The following PLEKHB2 variants were observed in gnomAD, a reference collection of about 807,000 sequenced individuals.
The protein encoded by PLEKHB2 is pleckstrin homology domain-containing family B member 2.
PLEKHB2 carries 31 observed loss-of-function variants against 36.5 expected under a neutral mutation model. That is an observed-to-expected ratio of 0.85 (90% confidence interval 0.64 to 1.15). The LOEUF is 1.15. Among genes scored for constraint, PLEKHB2 ranks in the 50% most tolerant of loss-of-function variants. The pLI is 0.00. For missense variants in PLEKHB2, 262 were observed against 295.3 expected (o/e 0.89, Z 0.83); for synonymous variants, 119 against 112.0 (o/e 1.06, Z -0.39).
chr2:131,133,093 CCTTTT>C lies in PLEKHB2; in HGVS notation c.423+106_423+110del, dbSNP rs770996475. 3.4e-5 allele frequency: 25 copies of C among 736,376 alleles called. 1 individual carries two copies. The highest frequency in any genetic ancestry group is 5.2e-5 in the Non-Finnish European group (22 of 421,940). The allele number at this position is 736,376 out of a possible 1,614,324, so 45.6% of individuals were successfully genotyped here. ...AATGAAATTAGAAATGTACTCTAAA[CCTTTT>C]CTTCTTAAAACAGATGATTTCTTAT... On this transcript the variant is annotated intron_variant, in intron 6 of 7. Coordinates refer to ENST00000693505, the MANE Select transcript of PLEKHB2 (RefSeq NM_001100623.2).
At chr2:131,129,665 C>T (rs557613192) in intron 4 of PLEKHB2, among the ~76,000 whole-genome samples, 48 of 64,462 alleles carry the variant, frequency 7.4e-4, no homozygotes, top group African/African-American at 1.4e-3. Flanking sequence ...CCACCACGCC[C>T]AGCTAATTTT....
chr2:131,112,853 C>A (rs1013027564), intron 1 of PLEKHB2, among the ~76,000 whole-genome samples: 4 of 152,070 alleles, frequency 2.6e-5, no homozygotes, highest in Non-Finnish European at 5.9e-5. Context: ...AACTAAAGAC[C>A]CATTTTCTAA....
chr2:131,144,985 C>T (rs1339801031), intron 7 of PLEKHB2, among the ~76,000 whole-genome samples: 1 of 152,198 alleles, frequency 6.6e-6, no homozygotes, highest in Non-Finnish European at 1.5e-5. Flanking sequence ...CACTTGCTTC[C>T]AGTACTGTTA....
intron 2 of PLEKHB2, among the ~76,000 whole-genome samples, chr2:131,121,903 T>TTTTATTTA (rs201737276): frequency 4.7e-4 from 71 of 151,826 alleles, no homozygotes; most frequent in African/African-American, 1.7e-3. Flanking sequence ...TGTGTTTTAT[T>TTTTATTTA]TTTATTTATT....
At chr2:131,106,654 C>T (rs1694767851) in intron 1 of PLEKHB2, among the ~76,000 whole-genome samples, 1 of 152,030 alleles carries the variant, frequency 6.6e-6, no homozygotes, top group South Asian at 2.1e-4. Flanking sequence ...TAACCCTGGG[C>T]TGGTTGGCTG....
intron 6 of PLEKHB2, 131 bp from the exon 7 acceptor site, chr2:131,140,036 A>C (rs1698625629): frequency 1.7e-6 from 1 of 596,096 alleles, no homozygotes; most frequent in Non-Finnish European, 3.0e-6. Context: ...GCCTAACCAC[A>C]CTGTTTCATG....
intron 6 of PLEKHB2, among the ~76,000 whole-genome samples, chr2:131,137,712 G>A (rs934136593): frequency 2.0e-5 from 3 of 152,006 alleles, no homozygotes; most frequent in Non-Finnish European, 1.5e-5. Flanking sequence ...ATAGCTTTTC[G>A]TTTTATTCAC....
chr2:131,131,915 C>T (rs1264302067), intron 5 of PLEKHB2, among the ~76,000 whole-genome samples: 1 of 151,802 alleles, frequency 6.6e-6, no homozygotes, highest in Admixed American at 6.6e-5. Context: ...CTCACTGCAA[C>T]CTCTGCCTCC....
intron 1 of PLEKHB2, among the ~76,000 whole-genome samples, chr2:131,111,791 G>C (rs1299417568): frequency 6.6e-6 from 1 of 152,058 alleles, no homozygotes; most frequent in Non-Finnish European, 1.5e-5. Flanking sequence ...GTGGCCAGCT[G>C]TAAAGTAATA....
At position 131,120,922 on chromosome 2, in the gene PLEKHB2, T is replaced by C. The variant is rs77587043; in HGVS notation, c.-8-12T>C. On this transcript the variant is annotated splice_polypyrimidine_tract_variant and intron_variant, in intron 1 of 7. Transcript: ENST00000693505. The stretch of plus-strand genomic sequence containing the variant: ...GGGTATGATTTTGAACCTGCCTGTT[T>C]TTGTTCTGTAGGTGAAGAGATGGCG... The C allele has an allele frequency of 2.7e-3, 4,358 of 1,614,064 alleles. 105 individuals carry two copies. In the African/African-American group the frequency reaches 0.051, roughly 19 times the overall value.
chr2:131,125,892 G>T lies in PLEKHB2; in HGVS notation c.177G>T (p.Gly59=), dbSNP rs974485171. ...MPMDCINIRT[G]QECRDTQPPD... Reference sequence around the variant, plus strand: ...TGGACTGCATCAACATCCGCACGGGGCAGGAATGTCGGGGTAAGCTGGCCT... The same window carrying T: ...TGGACTGCATCAACATCCGCACGGGTCAGGAATGTCGGGGTAAGCTGGCCT... The change falls in exon 3 of 8, where the codon GGG becomes GGT. Residue 59 remains glycine (G), a synonymous_variant. Coordinates refer to ENST00000693505, the MANE Select transcript of PLEKHB2 (RefSeq NM_001100623.2). 1.2e-6 allele frequency: 2 copies of T among 1,612,850 alleles called. No individual in the cohort carries two copies. The highest frequency in any genetic ancestry group is 1.3e-5 in the African/African-American group (1 of 74,964).
chr2:131,120,205 T>G (rs1696345962), intron 1 of PLEKHB2: 1 of 152,298 alleles, frequency 6.6e-6, no homozygotes, highest in Non-Finnish European at 1.5e-5. Flanking sequence ...GACCTCCTGA[T>G]CCGCCCACCT....
chr2:131,114,178 T>G (rs954968549), intron 1 of PLEKHB2, among the ~76,000 whole-genome samples: 7 of 152,294 alleles, frequency 4.6e-5, no homozygotes, highest in Middle Eastern at 3.4e-3. Context: ...CAGGCTGGAG[T>G]GCAGTGGCGT....
intron 6 of PLEKHB2, among the ~76,000 whole-genome samples, chr2:131,139,421 A>G (rs1405954302): frequency 7.6e-6 from 1 of 131,766 alleles, no homozygotes; most frequent in South Asian, 2.4e-4. Flanking sequence ...TTTGTAAGAT[A>G]ACAGGTTTAG....
intron 2 of PLEKHB2, among the ~76,000 whole-genome samples, chr2:131,122,762 C>G (rs1019385755): frequency 6.6e-6 from 1 of 152,166 alleles, no homozygotes; most frequent in African/African-American, 2.4e-5. Context: ...ACTGTATGTC[C>G]CCTTGTCTGT....
intron 2 of PLEKHB2, among the ~76,000 whole-genome samples, chr2:131,123,683 C>T (rs1253157305): frequency 2.0e-5 from 3 of 151,210 alleles, no homozygotes; most frequent in Admixed American, 1.3e-4. Context: ...CGCCACCATG[C>T]CAGGCTAATT....
intron 7 of PLEKHB2, among the ~76,000 whole-genome samples, chr2:131,141,506 G>A (rs990174674): frequency 1.3e-5 from 2 of 151,966 alleles, no homozygotes; most frequent in African/African-American, 4.8e-5. Flanking sequence ...TGGGCATGGT[G>A]GCGGGCACCT....
intron 4 of PLEKHB2, 118 bp downstream of exon 4, chr2:131,126,904 T>C: frequency 1.6e-6 from 1 of 637,754 alleles, no homozygotes; most frequent in East Asian, 2.8e-5. Flanking sequence ...AATAAGGGAC[T>C]CAGTGGATGT....
intron 6 of PLEKHB2, among the ~76,000 whole-genome samples, chr2:131,139,079 T>C (rs1698535008): frequency 2.0e-5 from 3 of 152,194 alleles, no homozygotes. Context: ...GAGGTTATTG[T>C]CTAAAAATGT....
Sources: gnomAD v4.1 joint callset for allele counts (sites outside exome capture counted in the v4.1 genomes callset) on GRCh38, gnomAD v4.1.1 for gene constraint, MANE v1.5 for transcripts, NCBI Gene and HGNC (gene_info 2026-07-23, HGNC 2026-07-21) for gene names.